KAZN: variants seen among roughly 807,000 people sequenced by gnomAD.
KAZN encodes the protein kazrin, periplakin interacting protein.
In KAZN, 40 loss-of-function variants were observed where a neutral mutation model predicts 87.4. That is an observed-to-expected ratio of 0.46 (90% CI 0.36 to 0.60). The LOEUF (loss-of-function observed/expected upper bound fraction) is 0.60. Among genes scored for constraint, KAZN ranks in the 20% least tolerant of loss-of-function variants. The pLI is 0.00. For missense variants in KAZN, 898 were observed against 1,073.9 expected (o/e 0.84, Z 2.29); for synonymous variants, 466 against 458.3 (o/e 1.02, Z -0.22).
chr1:15,098,161 G>A (rs528718680), intron 10 of KAZN, among the ~76,000 whole-genome samples: 13 of 152,196 alleles, frequency 8.5e-5, no homozygotes, highest in Non-Finnish European at 1.8e-4. Context: ...TCCGTGCTGC[G>A]CCGTGACCCA....
At chr1:14,548,069 A>G (rs1019995880) in intron 2 of KAZN, among the ~76,000 whole-genome samples, 2 of 152,134 alleles carry the variant, frequency 1.3e-5, no homozygotes, top group Non-Finnish European at 2.9e-5. Flanking sequence ...AATTGCAAAA[A>G]AAGATTTCAT....
chr1:13,971,987 T>C lies in KAZN; in HGVS notation c.91+78231T>C, dbSNP rs183146116. ...GCTTCCCGTACAGCCTGCAGAACCA[T>C]GAGCCAGTTAAACCTCTTTTGTTTA... On this transcript the variant is annotated intron_variant, in intron 1 of 16. Coordinates refer to the KAZN transcript ENST00000636203. Among the ~76,000 whole-genome samples the C allele has an allele frequency of 3.8e-3, 586 of 152,320 alleles. 3 individuals carry two copies. The highest frequency in any genetic ancestry group is 6.6e-3 in the Non-Finnish European group (447 of 68,028).
At chr1:14,410,926 GCCT>G (rs1664255058) in intron 2 of KAZN, among the ~76,000 whole-genome samples, 1 of 152,194 alleles carries the variant, frequency 6.6e-6, no homozygotes, top group Non-Finnish European at 1.5e-5. Context: ...TGGACTTCTG[GCCT>G]CCAGAACTGG....
At chr1:14,089,235 C>G (rs1423273570) in intron 1 of KAZN, among the ~76,000 whole-genome samples, 2 of 151,904 alleles carry the variant, frequency 1.3e-5, no homozygotes, top group Non-Finnish European at 2.9e-5. Flanking sequence ...GCCGTTTTAT[C>G]CAATCTGACA....
rs1557762067 is a variant in KAZN at position 15,054,918 on chromosome 1, C to A, written c.727-1173C>A. 2.0e-5 allele frequency among the ~76,000 whole-genome samples: 3 copies of A among 152,242 alleles called. No homozygotes were observed. The South Asian group carries it at 6.2e-4, about 31-fold the overall frequency. ...GTCCTACATGTTCTTGGCGTGGGCT[C>A]CTGAGAGCTGGGCTTAGGATCTGCC... On this transcript the variant is annotated intron_variant, in intron 4 of 14. Transcript: ENST00000376030.
At position 14,278,926 on chromosome 1, in the gene KAZN, C is replaced by CTTTTT. The variant is rs77998358; in HGVS notation, c.249+98353_249+98357dup. Reference sequence around the variant, plus strand: ...GACCAAGAAGCTTCATCAAATTCAGCTTTTTTTTTTTTTTTTTTTTTTTGG... The same window carrying CTTTTT: ...GACCAAGAAGCTTCATCAAATTCAGCTTTTTTTTTTTTTTTTTTTTTTTTTTTTGG... On this transcript the variant is annotated intron_variant, in intron 2 of 16. Coordinates refer to the KAZN transcript ENST00000636203. Among the ~76,000 whole-genome samples the CTTTTT allele has an allele frequency of 1.6e-3, 156 of 97,724 alleles. 2 individuals carry two copies. Among genetic ancestry groups the CTTTTT allele is most frequent in the African/African-American group, 2.5e-3 (57 of 22,854 alleles). 64.1% of individuals were successfully genotyped at this position (97,724 alleles called of 152,430 possible).
In KAZN at chr1:14,773,949, A is replaced by C. The variant is rs1040356969; in HGVS notation, c.226+174726A>C. ...TTAGAAAAAAGTGGTTCTCACCGCC[A>C]AAGCCCTCCAGCCCATGGCTGCTGC... On this transcript the variant is annotated intron_variant, in intron 1 of 14. Coordinates refer to ENST00000376030, the MANE Select transcript of KAZN (RefSeq NM_201628.3). This position sits in a 1 kb window ranked among gnomAD's most constrained non-coding sequence, Gnocchi z 5.9. Among the ~76,000 whole-genome samples the C allele has an allele frequency of 4.6e-5, 7 of 152,370 alleles. No individual in the cohort carries two copies. The highest frequency in any genetic ancestry group is 5.9e-5 in the Non-Finnish European group (4 of 68,032).
rs34399319 is a variant in KAZN, at chr1:14,650,032, C to CT, written c.226+50835dup. On this transcript the variant is annotated intron_variant, in intron 1 of 14. Transcript: ENST00000376030. ...CTGGTATCTTTCCCCCTCCACCCAT[C>CT]TTTTTTTTTTTTTTTTTTTTTTTTT... 8.6e-3 allele frequency among the ~76,000 whole-genome samples: 758 copies of CT among 88,284 alleles called. 37 individuals are homozygous for CT. The highest frequency in any genetic ancestry group is 0.024 in the African/African-American group (602 of 25,100). The allele number at this position is 88,284 out of a possible 152,430, so 57.9% of individuals were successfully genotyped here. A position where few individuals can be genotyped will look rare whatever the true frequency, so the allele number is the denominator to read the frequency against.
chr1:15,006,442 C>T (rs1014188277), intron 2 of KAZN, among the ~76,000 whole-genome samples: 1 of 152,220 alleles, frequency 6.6e-6, no homozygotes, highest in Non-Finnish European at 1.5e-5. Context: ...GGGCTGGTCC[C>T]TCCTGACAGC....
intron 8 of KAZN, among the ~76,000 whole-genome samples, chr1:15,090,795 A>C (rs1222231242): frequency 6.6e-6 from 1 of 152,232 alleles, no homozygotes; most frequent in Admixed American, 6.5e-5. Context: ...TCCTCACGGC[A>C]GCCCACAGAG....
intron 2 of KAZN, among the ~76,000 whole-genome samples, chr1:14,281,448 T>C (rs1953830): frequency 0.9 from 137,040 of 152,238 alleles, 62,115 homozygotes; most frequent in Middle Eastern, 0.96. Flanking sequence ...ACTGCCCCTG[T>C]AAGGTCAAGG....
chr1:14,675,830 C>G (rs10927496), intron 1 of KAZN, among the ~76,000 whole-genome samples: 2,364 of 152,244 alleles, frequency 0.016, 76 homozygotes, highest in African/African-American at 0.053. Context: ...TCTCAGAGAA[C>G]CTTCTGGCCC....
intron 2 of KAZN, among the ~76,000 whole-genome samples, chr1:14,568,609 C>G (rs1674678477): frequency 1.3e-5 from 2 of 152,128 alleles, no homozygotes; most frequent in South Asian, 4.1e-4. Flanking sequence ...ATTCAATTAC[C>G]TCCTACCAGT....
chr1:14,011,144 G>A (rs1004033024), intron 1 of KAZN, among the ~76,000 whole-genome samples: 1 of 152,164 alleles, frequency 6.6e-6, no homozygotes. Flanking sequence ...GATATGAGAT[G>A]TGCCCTTGGT....
At chr1:14,497,378 A>G (rs1307806031) in intron 2 of KAZN, among the ~76,000 whole-genome samples, 3 of 148,182 alleles carry the variant, frequency 2.0e-5, no homozygotes, top group Non-Finnish European at 3.0e-5. Flanking sequence ...TTTTTTGTTT[A>G]AATTCAGCTG....
intron 1 of KAZN, among the ~76,000 whole-genome samples, chr1:14,833,120 G>C (rs1002701491): frequency 7.9e-5 from 12 of 152,166 alleles, no homozygotes; most frequent in African/African-American, 2.9e-4. Flanking sequence ...CCCTGGTCTA[G>C]ACTGTGTAGC....
chr1:14,560,557 G>A (rs1340004459), intron 2 of KAZN, among the ~76,000 whole-genome samples: 2 of 152,130 alleles, frequency 1.3e-5, no homozygotes, highest in South Asian at 2.1e-4. Context: ...CAGCCTGGGC[G>A]ACAGAGCGAG....
intron 1 of KAZN, among the ~76,000 whole-genome samples, chr1:14,874,496 GGA>G (rs1652531190): frequency 2.6e-5 from 4 of 151,656 alleles, no homozygotes; most frequent in Admixed American, 1.3e-4. Flanking sequence ...ATGGATGGAT[GGA>G]TGGATGGATG....
At chr1:13,983,684 G>A (rs1426020058) in intron 1 of KAZN, among the ~76,000 whole-genome samples, 1 of 152,242 alleles carries the variant, frequency 6.6e-6, no homozygotes, top group African/African-American at 2.4e-5. Flanking sequence ...GGTGCCGAGA[G>A]CGAGCGAGGG....
Sources: gnomAD v4.1 joint callset for allele counts (sites outside exome capture counted in the v4.1 genomes callset) on GRCh38, gnomAD v4.1.1 for gene constraint, Gnocchi (gnomAD v3.1) non-coding constraint, MANE v1.5 for transcripts, NCBI Gene and HGNC (gene_info 2026-07-23, HGNC 2026-07-21) for gene names.